AUTS2: variants seen among roughly 807,000 people sequenced by gnomAD.
AUTS2 encodes the protein activator of transcription and developmental regulator AUTS2, also known as autism susceptibility gene 2 protein.
In AUTS2, 17 loss-of-function variants were observed where a neutral mutation model predicts 112.4. That is an observed-to-expected ratio of 0.15 (90% CI 0.10 to 0.23). The LOEUF (loss-of-function observed/expected upper bound fraction) is 0.23. Among genes scored for constraint, AUTS2 ranks in the 10% least tolerant of loss-of-function variants. The probability of loss-of-function intolerance (pLI) is 1.00; values close to 1 mark genes in which losing one functional copy is unlikely to be tolerated. For synonymous variants in AUTS2, 751 were observed against 702.7 expected (o/e 1.07, Z -1.09); for missense variants, 1,510 against 1,701.6 (o/e 0.89, Z 1.98).
At chr7:70,528,108 T>TTA (rs1563018187) in intron 5 of AUTS2, among the ~76,000 whole-genome samples, 7 of 147,466 alleles carry the variant, frequency 4.7e-5, no homozygotes, top group African/African-American at 7.7e-5. Flanking sequence ...TTTTTTTTTT[T>TTA]TTTTTTTTTT....
intron 1 of AUTS2, among the ~76,000 whole-genome samples, chr7:69,824,124 T>C (rs1000635270): frequency 3.9e-5 from 6 of 151,942 alleles, no homozygotes; most frequent in South Asian, 4.2e-4. Flanking sequence ...TATTAATAAG[T>C]GTGATACGGC....
intron 4 of AUTS2, among the ~76,000 whole-genome samples, chr7:70,420,113 T>C (rs1795155163): frequency 6.6e-6 from 1 of 152,242 alleles, no homozygotes; most frequent in Non-Finnish European, 1.5e-5. Flanking sequence ...ACAGTCAGCT[T>C]GAAATCAGTA....
chr7:70,317,401 GA>G (rs1790046955), intron 4 of AUTS2, among the ~76,000 whole-genome samples: 1 of 152,124 alleles, frequency 6.6e-6, no homozygotes, highest in African/African-American at 2.4e-5. Context: ...ATATTGTGTA[GA>G]AAATAATGAC....
chr7:70,174,451 A>T (rs1808876341), intron 4 of AUTS2, among the ~76,000 whole-genome samples: 1 of 152,222 alleles, frequency 6.6e-6, no homozygotes, highest in Admixed American at 6.5e-5. Context: ...AGATCTAGCT[A>T]AGATCATTGA....
chr7:70,346,204 T>A (rs1791490023), intron 4 of AUTS2, among the ~76,000 whole-genome samples: 1 of 152,208 alleles, frequency 6.6e-6, no homozygotes, highest in Non-Finnish European at 1.5e-5. Flanking sequence ...CATATGACAC[T>A]GCTTTTCCAC....
Position 70,763,117 on chromosome 7 carries a change from C to A in AUTS2, c.990C>A (p.Ala330=). 6.2e-7 allele frequency: 1 copy of A among 1,613,978 alleles called. No individual in the cohort carries two copies. The highest frequency in any genetic ancestry group is 8.5e-7 in the Non-Finnish European group (1 of 1,179,982). ...PDPDLVQRTE[A]PPQPPPLSTQ... ...CTGACTTGGTGCAGCGCACAGAGGC[C>A]CCACCTCAACCCCCACCTCTGAGTA... The change falls in exon 7 of 19, where the codon GCC becomes GCA. Residue 330 remains alanine (A), a synonymous_variant. Coordinates refer to ENST00000342771, the MANE Select transcript of AUTS2 (RefSeq NM_015570.4).
chr7:69,996,770 A>T (rs1247591288), intron 2 of AUTS2, among the ~76,000 whole-genome samples: 1 of 152,054 alleles, frequency 6.6e-6, no homozygotes, highest in Admixed American at 6.6e-5. Context: ...ATATTTGTTA[A>T]ACTATAATTA....
chr7:69,766,836 A>G (rs933957274), intron 1 of AUTS2, among the ~76,000 whole-genome samples: 6 of 152,358 alleles, frequency 3.9e-5, no homozygotes, highest in Admixed American at 2.0e-4. Flanking sequence ...ACTTTAGGTT[A>G]TACCTCCAGT....
intron 4 of AUTS2, among the ~76,000 whole-genome samples, chr7:70,176,153 G>A (rs1296131816): frequency 6.6e-6 from 1 of 152,056 alleles, no homozygotes; most frequent in African/African-American, 2.4e-5. Context: ...ACCATAATGA[G>A]GTTTCATTAG....
At position 70,012,796 on chromosome 7, in the gene AUTS2, G is replaced by A. The variant is rs537529292; in HGVS notation, c.523-105336G>A. Among the ~76,000 whole-genome samples, 28 of 152,278 alleles carry A rather than the reference G, an allele frequency of 1.8e-4. No individual in the cohort carries two copies. The South Asian group carries it at 5.6e-3, about 30-fold the overall frequency. On this transcript the variant is annotated intron_variant, in intron 2 of 18. Coordinates refer to ENST00000342771, the MANE Select transcript of AUTS2 (RefSeq NM_015570.4). ...CTATATGATGTGATCAGTATGTGAT[G>A]ATGGCTTTTCAGATCAGATAGCTGG...
chr7:70,296,777 C>G (rs1055365502), intron 4 of AUTS2, among the ~76,000 whole-genome samples: 1 of 150,604 alleles, frequency 6.6e-6, no homozygotes, highest in Non-Finnish European at 1.5e-5. Context: ...TCTTTTAGTT[C>G]TATTACTGCA....
intron 6 of AUTS2, among the ~76,000 whole-genome samples, chr7:70,749,032 C>T (rs1788636975): frequency 6.6e-6 from 1 of 152,144 alleles, no homozygotes; most frequent in Non-Finnish European, 1.5e-5. Context: ...GGACTGGGAA[C>T]AGTGCCTCAA....
chr7:70,423,391 A>C (rs1302147782), intron 4 of AUTS2, among the ~76,000 whole-genome samples: 3 of 152,234 alleles, frequency 2.0e-5, no homozygotes, highest in Non-Finnish European at 4.4e-5. Flanking sequence ...CAAAGTTTAA[A>C]ATATGTAGCT....
chr7:69,662,134 T>C (rs1318801354), intron 1 of AUTS2, among the ~76,000 whole-genome samples: 1 of 152,008 alleles, frequency 6.6e-6, no homozygotes. Context: ...CCACTCTCCA[T>C]GTAAAGAAAC....
At chr7:70,401,473 A>T (rs928909502) in intron 4 of AUTS2, among the ~76,000 whole-genome samples, 12 of 152,346 alleles carry the variant, frequency 7.9e-5, no homozygotes, top group African/African-American at 2.9e-4. Context: ...ACCACAGGAC[A>T]TGAAATAACC....
chr7:70,496,405 A>ACACG (rs2116529839), intron 5 of AUTS2, among the ~76,000 whole-genome samples: 1 of 139,752 alleles, frequency 7.2e-6, no homozygotes, highest in Non-Finnish European at 1.5e-5. Context: ...ACACAGTCAC[A>ACACG]CACACACCCC....
At chr7:69,667,886 A>T (rs1309066965) in intron 1 of AUTS2, among the ~76,000 whole-genome samples, 1 of 152,102 alleles carries the variant, frequency 6.6e-6, no homozygotes, top group Non-Finnish European at 1.5e-5. Flanking sequence ...CTCTCCATAA[A>T]ACAATGTGTA....
chr7:70,605,285 G>A (rs1404358011), intron 5 of AUTS2, among the ~76,000 whole-genome samples: 4 of 152,154 alleles, frequency 2.6e-5, no homozygotes, highest in Non-Finnish European at 5.9e-5. Context: ...CCTGGTTTTT[G>A]ACGTTGGCTA....
At chr7:70,470,116 A>T (rs1037493331) in intron 5 of AUTS2, among the ~76,000 whole-genome samples, 1 of 152,232 alleles carries the variant, frequency 6.6e-6, no homozygotes, top group Non-Finnish European at 1.5e-5. Flanking sequence ...TGAGGAAAAA[A>T]CTAACAGTAT....
Sources: allele counts gnomAD v4.1 joint callset (sites outside exome capture counted in the v4.1 genomes callset), GRCh38; gene constraint gnomAD v4.1.1; transcripts MANE v1.5; gene names NCBI Gene and HGNC (gene_info 2026-07-23, HGNC 2026-07-21).